KCNK2: variants seen among roughly 807,000 people sequenced by gnomAD.
The protein encoded by KCNK2 is potassium two pore domain channel subfamily K member 2.
A neutral mutation model predicts 40.5 loss-of-function variants in KCNK2; 21 were observed. That is an observed-to-expected ratio of 0.52 (90% CI 0.37 to 0.75). KCNK2 has a LOEUF of 0.75. Among genes scored for constraint, KCNK2 ranks in the 30% least tolerant of loss-of-function variants. The pLI is 0.00. For missense variants in KCNK2, 399 were observed against 531.6 expected, an observed-to-expected ratio of 0.75 and a Z score of 2.45; for synonymous variants, 191 against 202.2, an observed-to-expected ratio of 0.94 and a Z score of 0.47.
chr1:215,101,828 AAAAC>A (rs1660233095), intron 2 of KCNK2, among the ~76,000 whole-genome samples: 2 of 151,988 alleles, frequency 1.3e-5, no homozygotes, highest in African/African-American at 4.8e-5. Flanking sequence ...CTGGTGTAAA[AAAAC>A]CAACTGTACT....
intron 1 of KCNK2, among the ~76,000 whole-genome samples, chr1:215,069,943 A>C (rs1454205448): frequency 3.3e-5 from 5 of 152,144 alleles, no homozygotes; most frequent in Non-Finnish European, 7.3e-5. Context: ...AGTTAATAAG[A>C]ACTGGTGATT....
At chr1:215,093,759 TATATAATATAAA>T in intron 2 of KCNK2, among the ~76,000 whole-genome samples, 1 of 51,188 alleles carries the variant, frequency 2.0e-5, no homozygotes, top group South Asian at 4.9e-4. Context: ...TATTATATAT[TATATAATATAAA>T]ATATATTATA....
chr1:215,143,807 A>G (rs1038432223), intron 3 of KCNK2, among the ~76,000 whole-genome samples: 2 of 152,154 alleles, frequency 1.3e-5, no homozygotes, highest in Non-Finnish European at 2.9e-5. Context: ...CTGATGATAT[A>G]TGTTCGCCTT....
At chr1:215,027,345 C>T (rs1421247177) in intron 1 of KCNK2, among the ~76,000 whole-genome samples, 4 of 151,982 alleles carry the variant, frequency 2.6e-5, no homozygotes, top group Non-Finnish European at 5.9e-5. Flanking sequence ...TTCTTTCTAT[C>T]GTTTCGATGT....
chr1:215,224,522 T>C (rs1383919546), intron 6 of KCNK2, among the ~76,000 whole-genome samples: 1 of 152,104 alleles, frequency 6.6e-6, no homozygotes, highest in Non-Finnish European at 1.5e-5. Context: ...GAAATGCAGT[T>C]AATAAAGACC....
chr1:215,131,007 C>T (rs1661648027), intron 3 of KCNK2, among the ~76,000 whole-genome samples: 1 of 151,266 alleles, frequency 6.6e-6, no homozygotes, highest in Non-Finnish European at 1.5e-5. Flanking sequence ...ACTACAGGCG[C>T]CCGCCACTGC....
intron 3 of KCNK2, among the ~76,000 whole-genome samples, chr1:215,144,875 A>T (rs1349154495): frequency 2.0e-5 from 3 of 152,176 alleles, no homozygotes; most frequent in Non-Finnish European, 4.4e-5. Flanking sequence ...TATACCACTT[A>T]CTAATGAAGG....
At chr1:215,080,625 G>C (rs931971202), upstream of KCNK2, among the ~76,000 whole-genome samples, 1 of 152,162 alleles carries the variant, frequency 6.6e-6, no homozygotes, top group Non-Finnish European at 1.5e-5. Flanking sequence ...TGAACAGAGA[G>C]ATATGGTTTA....
intron 6 of KCNK2, among the ~76,000 whole-genome samples, chr1:215,214,956 C>T (rs1469018109): frequency 6.6e-6 from 1 of 152,162 alleles, no homozygotes; most frequent in Non-Finnish European, 1.5e-5. Context: ...TAATTCTCTC[C>T]TGCTTTCTCT....
chr1:215,207,530 A>G (rs1665367085), intron 6 of KCNK2, among the ~76,000 whole-genome samples: 1 of 152,202 alleles, frequency 6.6e-6, no homozygotes, highest in South Asian at 2.1e-4. Flanking sequence ...ATGCATTTGA[A>G]TTGTTTCCTT....
chr1:215,099,002 T>C (rs1660097027), intron 2 of KCNK2, among the ~76,000 whole-genome samples: 1 of 151,988 alleles, frequency 6.6e-6, no homozygotes, highest in South Asian at 2.1e-4. Context: ...AAATTATATG[T>C]ATGCATGTAT....
At chr1:215,052,235 C>G (rs969902009) in intron 1 of KCNK2, among the ~76,000 whole-genome samples, 4 of 152,024 alleles carry the variant, frequency 2.6e-5, no homozygotes, top group African/African-American at 9.7e-5. Context: ...CAGGTTGGTT[C>G]TAGGTGGTGG....
chr1:215,063,815 G>A (rs1015714575), intron 1 of KCNK2, among the ~76,000 whole-genome samples: 1 of 152,146 alleles, frequency 6.6e-6, no homozygotes, highest in Non-Finnish European at 1.5e-5. Flanking sequence ...ATTAGAACCG[G>A]AGGGATAGGG....
At chr1:215,039,904 C>A (rs763556886) in intron 1 of KCNK2, among the ~76,000 whole-genome samples, 1 of 151,998 alleles carries the variant, frequency 6.6e-6, no homozygotes, top group Non-Finnish European at 1.5e-5. Context: ...TGTTGCCTTC[C>A]GGGAGAGTGG....
intron 6 of KCNK2, among the ~76,000 whole-genome samples, chr1:215,233,326 A>G (rs1480875593): frequency 6.6e-6 from 1 of 152,108 alleles, no homozygotes; most frequent in Non-Finnish European, 1.5e-5. Context: ...GCCTGTTAAA[A>G]TAAAAAATAG....
intron 5 of KCNK2, among the ~76,000 whole-genome samples, chr1:215,177,518 A>C (rs887572255): frequency 6.6e-6 from 1 of 151,618 alleles, no homozygotes; most frequent in African/African-American, 2.4e-5. Flanking sequence ...ATCCATCTTG[A>C]GTTAATTTTT....
Position 215,172,029 on chromosome 1 carries a change from C to A in KCNK2, c.669C>A (p.Ile223=). The A allele has an allele frequency of 6.2e-7, 1 of 1,612,922 alleles. No homozygotes were observed. Among genetic ancestry groups the A allele is most frequent in the East Asian group, 2.2e-5 (1 of 44,816 alleles). Residue 223 remains isoleucine (I), a synonymous_variant, in exon 5 of 7, where the codon ATC becomes ATA. Transcript: ENST00000444842. ...KWNVSQTKIR[I]ISTIIFILFG... ...ATGTTAGTCAGACCAAGATTCGCAT[C>A]ATCTCAACAATCATATTTATACTAT...
chr1:215,013,267 G>T (rs1558056437), intron 1 of KCNK2, among the ~76,000 whole-genome samples: 1 of 152,058 alleles, frequency 6.6e-6, no homozygotes, highest in African/African-American at 2.4e-5. Context: ...AATTGCCTTT[G>T]CACTTGTACT....
intron 3 of KCNK2, among the ~76,000 whole-genome samples, chr1:215,150,438 A>G (rs1422950308): frequency 2.0e-5 from 3 of 152,112 alleles, no homozygotes; most frequent in Non-Finnish European, 2.9e-5. Flanking sequence ...TTAATTTCCA[A>G]CGTTTGTGAT....
Sources: allele counts gnomAD v4.1 joint callset (sites outside exome capture counted in the v4.1 genomes callset), GRCh38; gene constraint gnomAD v4.1.1; transcripts MANE v1.5; gene names NCBI Gene and HGNC (gene_info 2026-07-23, HGNC 2026-07-21).